Variants in SLC22A24 observed in about 807,000 individuals in gnomAD.
SLC22A24 encodes the protein steroid transmembrane transporter SLC22A24.
A neutral mutation model predicts 49.8 loss-of-function variants in SLC22A24; 53 were observed. The ratio of observed to expected loss-of-function variants is 1.06; its 90% CI spans 0.85 to 1.34. The LOEUF is 1.34. Among genes scored for constraint, SLC22A24 ranks in the 40% most tolerant of loss-of-function variants. The probability of loss-of-function intolerance (pLI) is 0.00; values close to 1 mark genes in which losing one functional copy is unlikely to be tolerated. For synonymous variants in SLC22A24, 302 were observed against 256.4 expected (o/e 1.18, Z -1.70); for missense variants, 786 against 675.9 (o/e 1.16, Z -1.81).
At chr11:63,089,794 G>C (rs558179102) in intron 6 of SLC22A24, among the ~76,000 whole-genome samples, 1 of 151,998 alleles carries the variant, frequency 6.6e-6, no homozygotes, top group Non-Finnish European at 1.5e-5. Flanking sequence ...AAAAGACAAA[G>C]AACAAGGCCG....
intron 6 of SLC22A24, among the ~76,000 whole-genome samples, chr11:63,092,759 G>A (rs1444142925): frequency 3.3e-5 from 5 of 151,198 alleles, no homozygotes; most frequent in African/African-American, 1.2e-4. Flanking sequence ...AAGCTAGGCA[G>A]TGCCATTCAG....
intron 6 of SLC22A24, among the ~76,000 whole-genome samples, chr11:63,091,689 C>G (rs928105067): frequency 2.6e-5 from 4 of 152,142 alleles, no homozygotes; most frequent in African/African-American, 9.7e-5. Context: ...CAGAAAAGGC[C>G]TTTGATAAAA....
chr11:63,094,639 C>T (rs1297871086), intron 6 of SLC22A24, among the ~76,000 whole-genome samples: 4 of 152,070 alleles, frequency 2.6e-5, no homozygotes, highest in Non-Finnish European at 5.9e-5. Context: ...CTCTCCAGCA[C>T]CTGTTGTTTC....
intron 9 of SLC22A24, 98 bp from the exon 10 acceptor site, chr11:63,080,098 G>A: frequency 1.4e-6 from 1 of 717,656 alleles, no homozygotes; most frequent in South Asian, 1.8e-5. Context: ...AGGACAAGCT[G>A]CCCTCTACCC....
intron 4 of SLC22A24, among the ~76,000 whole-genome samples, chr11:63,115,537 G>A (rs2087206345): frequency 6.6e-6 from 1 of 152,144 alleles, no homozygotes; most frequent in South Asian, 2.1e-4. Flanking sequence ...AGGCAACACT[G>A]CGCCCTGCTT....
Position 63,113,103 on chromosome 11 carries a change from C to CAT in SLC22A24, c.830+5807_830+5808dup, listed in dbSNP as rs1407459230. Among the ~76,000 whole-genome samples the CAT allele has an allele frequency of 6.7e-3, 10 of 1,486 alleles. 4 individuals are homozygous for CAT. The highest frequency in any genetic ancestry group is 0.054 in the Non-Finnish European group (8 of 148). 1.0% of individuals were successfully genotyped at this position (1,486 alleles called of 152,430 possible). A position where few individuals can be genotyped will look rare whatever the true frequency, so the allele number is the denominator to read the frequency against. ...ACACATATATATACATATATATATA[C>CAT]ATATATATACACATATATATATACA... On this transcript the variant is annotated intron_variant, in intron 4 of 9. Coordinates refer to ENST00000612278, the MANE Select transcript of SLC22A24 (RefSeq NM_001136506.2).
At chr11:63,134,848 A>G in intron 1 of SLC22A24, 80 bp from the exon 2 acceptor site, 1 of 961,378 alleles carries the variant, frequency 1.0e-6, no homozygotes, top group Non-Finnish European at 1.6e-6. Context: ...AAACTCCTAC[A>G]TATGGTGTAC....
intron 6 of SLC22A24, among the ~76,000 whole-genome samples, chr11:63,092,531 T>TGGTACTGATATATATATATGG (rs1555046034): frequency 1.0e-5 from 1 of 100,446 alleles, no homozygotes; most frequent in African/African-American, 3.1e-5. Context: ...CAAAACAGCA[T>TGGTACTGATATATATATATGG]AACACCGCAC....
Position 63,081,028 on chromosome 11 carries a change from G to C in SLC22A24, c.1490C>G (p.Pro497Arg). The change falls in exon 9 of 10, where the codon CCC becomes CGC. Residue 497 changes from proline to arginine, a missense_variant. Physicochemically the swap from Pro to Arg is moderately radical, Grantham distance 103 (BLOSUM62 -2). Transcript: ENST00000612278. ...MTLMAYSPHL[P>R]WISYGVFPIL... ...GGGGAAGACTCCATAGGAAATCCAG[G>C]GTAGGTGGGGAGAATACGCCATTAA... 6.4e-7 allele frequency: 1 copy of C among 1,551,668 alleles called. No individual in the cohort carries two copies. Among genetic ancestry groups the C allele is most frequent in the Non-Finnish European group, 8.7e-7 (1 of 1,147,000 alleles).
intron 4 of SLC22A24, among the ~76,000 whole-genome samples, chr11:63,114,492 T>C (rs1431682551): frequency 6.6e-6 from 1 of 152,160 alleles, no homozygotes; most frequent in Admixed American, 6.6e-5. Context: ...CCTTGTGATG[T>C]GTTAGAATAT....
chr11:63,099,751 G>A (rs904628994), intron 5 of SLC22A24, among the ~76,000 whole-genome samples: 5 of 152,176 alleles, frequency 3.3e-5, no homozygotes, highest in Admixed American at 3.3e-4. Flanking sequence ...TTATGACCAG[G>A]AATGCAAGGA....
At chr11:63,084,087 G>A (rs2086974424) in intron 6 of SLC22A24, among the ~76,000 whole-genome samples, 2 of 151,988 alleles carry the variant, frequency 1.3e-5, no homozygotes, top group East Asian at 1.9e-4. Context: ...CAACCACCAA[G>A]GTCAGCTTGA....
chr11:63,142,704 C>G (rs180823412), intron 1 of SLC22A24, among the ~76,000 whole-genome samples: 4 of 152,212 alleles, frequency 2.6e-5, no homozygotes, highest in African/African-American at 9.6e-5. Context: ...CCACCCAGAT[C>G]GATAAACTGG....
At chr11:63,116,043 A>G (rs1487861898) in intron 4 of SLC22A24, 3 of 338,270 alleles carry the variant, frequency 8.9e-6, no homozygotes, top group Non-Finnish European at 1.7e-5. Flanking sequence ...GAGGTGGGCA[A>G]TGTAGGCAAG....
intron 4 of SLC22A24, among the ~76,000 whole-genome samples, chr11:63,113,053 T>TAC (rs1555048851): frequency 0.058 from 244 of 4,222 alleles, 90 homozygotes; most frequent in Non-Finnish European, 0.094. Flanking sequence ...TATATATATA[T>TAC]ACATATATAT....
rs1250113806 is a variant in SLC22A24 at position 63,119,302 on chromosome 11, G to A, written c.540C>T (p.Phe180=). 1 of 1,550,066 alleles carries A rather than the reference G, an allele frequency of 6.5e-7. No individual in the cohort carries two copies. Among genetic ancestry groups the A allele is most frequent in the East Asian group, 2.4e-5 (1 of 40,890 alleles). The change falls in exon 3 of 10, where the codon TTC becomes TTT. Residue 180 remains phenylalanine, a synonymous_variant. Transcript: ENST00000612278. Reference sequence around the variant, plus strand: ...AGGTGTTAGAGATGGCCAGCTGGAGGAAACACAATTTGCATATGATCTTCC... The same window carrying A: ...AGGTGTTAGAGATGGCCAGCTGGAGAAAACACAATTTGCATATGATCTTCC... ...VGRKIICKLC[F]LQLAISNTCA... is the part of the protein sequence containing the mutation.
chr11:63,137,245 G>T (rs2087381861), intron 1 of SLC22A24, among the ~76,000 whole-genome samples: 1 of 152,216 alleles, frequency 6.6e-6, no homozygotes, highest in South Asian at 2.1e-4. Context: ...CTCAGATGGA[G>T]AATAGAAGGA....
intron 4 of SLC22A24, among the ~76,000 whole-genome samples, chr11:63,111,899 A>G (rs2087168172): frequency 6.6e-6 from 1 of 151,498 alleles, no homozygotes; most frequent in African/African-American, 2.4e-5. Flanking sequence ...TAGCTTTTGA[A>G]TGTGTTTGCT....
chr11:63,123,003 A>G (rs2087262969), intron 2 of SLC22A24, among the ~76,000 whole-genome samples: 1 of 152,178 alleles, frequency 6.6e-6, no homozygotes, highest in South Asian at 2.1e-4. Flanking sequence ...TTGAAACTAT[A>G]TATATTATTG....
Sources: allele counts gnomAD v4.1 joint callset (sites outside exome capture counted in the v4.1 genomes callset), GRCh38; gene constraint gnomAD v4.1.1; transcripts MANE v1.5; gene names NCBI Gene and HGNC (gene_info 2026-07-23, HGNC 2026-07-21).